The following RAPGEF4 variants were observed in gnomAD, a reference collection of about 807,000 sequenced individuals.
The protein encoded by RAPGEF4 is Rap guanine nucleotide exchange factor 4, also known as RAP guanine-nucleotide-exchange factor (GEF) 4.
Under a neutral mutation model 147.9 loss-of-function variants are expected in RAPGEF4, and 66 were observed. The ratio of observed to expected loss-of-function variants is 0.45; its 90% CI spans 0.37 to 0.55. RAPGEF4 has a LOEUF of 0.55. Ranked by LOEUF, RAPGEF4 falls within the 20% of genes least tolerant of loss-of-function variation. The probability of loss-of-function intolerance (pLI) is 0.00; values close to 1 mark genes in which losing one functional copy is unlikely to be tolerated. For missense variants in RAPGEF4, 1,071 were observed against 1,257.3 expected (o/e 0.85, Z 2.24); for synonymous variants, 419 against 442.7 (o/e 0.95, Z 0.67).
chr2:172,839,137 A>T (rs1349429614), intron 4 of RAPGEF4, among the ~76,000 whole-genome samples: 1 of 152,084 alleles, frequency 6.6e-6, no homozygotes, highest in Non-Finnish European at 1.5e-5. Context: ...GTGAGTTAGA[A>T]GAAAGTGTTC....
chr2:172,866,164 A>T (rs573603730), intron 4 of RAPGEF4, among the ~76,000 whole-genome samples: 9 of 152,030 alleles, frequency 5.9e-5, no homozygotes, highest in Non-Finnish European at 1.0e-4. Context: ...GCACCCCTTT[A>T]TCTACTCTAT....
intron 1 of RAPGEF4, among the ~76,000 whole-genome samples, chr2:172,741,454 G>A (rs1233209681): frequency 6.6e-6 from 1 of 152,166 alleles, no homozygotes; most frequent in Non-Finnish European, 1.5e-5. Flanking sequence ...GCTGGGGAAG[G>A]GCGTGGGTGA....
Position 173,030,197 on chromosome 2 carries a change from T to C in RAPGEF4, c.2592T>C (p.Phe864=). The C allele has an allele frequency of 6.2e-7, 1 of 1,613,714 alleles. No homozygotes were observed. Among genetic ancestry groups the C allele is most frequent in the Non-Finnish European group, 8.5e-7 (1 of 1,179,584 alleles). The change falls in exon 26 of 31, where the codon TTT becomes TTC. Residue 864 remains phenylalanine (F), a synonymous_variant. Coordinates refer to ENST00000397081, the MANE Select transcript of RAPGEF4 (RefSeq NM_007023.4). ...CKEYKNLNSF[F]AIVMGLSNVA... Reference sequence around the variant, plus strand: ...AGTATAAAAATCTGAATTCCTTTTTTGCCATCGTCATGGGACTAAGTAACG... The same window carrying C: ...AGTATAAAAATCTGAATTCCTTTTTCGCCATCGTCATGGGACTAAGTAACG...
At chr2:173,021,451 G>T (rs941077094) in intron 23 of RAPGEF4, among the ~76,000 whole-genome samples, 1 of 152,160 alleles carries the variant, frequency 6.6e-6, no homozygotes, top group African/African-American at 2.4e-5. Flanking sequence ...GACCGAGCGT[G>T]GTGGCGGGCG....
chr2:172,853,441 A>G (rs1180459066), intron 4 of RAPGEF4, among the ~76,000 whole-genome samples: 1 of 152,014 alleles, frequency 6.6e-6, no homozygotes, highest in African/African-American at 2.4e-5. Context: ...TATAGTTATC[A>G]TCTTTTCAGT....
intron 15 of RAPGEF4, among the ~76,000 whole-genome samples, chr2:172,994,734 A>G (rs1230432314): frequency 1.3e-5 from 2 of 152,244 alleles, no homozygotes; most frequent in East Asian, 3.8e-4. Context: ...TTCAATATCG[A>G]AAGTCATTTA....
At chr2:173,039,186 G>A (rs796730409) in intron 29 of RAPGEF4, among the ~76,000 whole-genome samples, 7 of 152,196 alleles carry the variant, frequency 4.6e-5, no homozygotes, top group African/African-American at 1.7e-4. Context: ...GGCCAGGTGT[G>A]GTGGCTCACG....
At chr2:172,986,610 G>A (rs1692273757) in intron 12 of RAPGEF4, among the ~76,000 whole-genome samples, 1 of 151,278 alleles carries the variant, frequency 6.6e-6, no homozygotes, top group African/African-American at 2.4e-5. Context: ...TTATGAAATA[G>A]TTAAATATTT....
chr2:172,908,383 C>G (rs914762173), intron 4 of RAPGEF4, among the ~76,000 whole-genome samples: 1 of 152,230 alleles, frequency 6.6e-6, no homozygotes, highest in African/African-American at 2.4e-5. Flanking sequence ...TTGTGAAGGT[C>G]AGCACTGCAC....
intron 3 of RAPGEF4, among the ~76,000 whole-genome samples, chr2:172,813,426 C>T (rs548938059): frequency 2.3e-4 from 35 of 152,298 alleles, no homozygotes; most frequent in African/African-American, 7.7e-4. Flanking sequence ...TTTAAATCAT[C>T]GATTCATGAC....
At chr2:172,826,869 T>C (rs1019072604) in intron 4 of RAPGEF4, among the ~76,000 whole-genome samples, 1 of 151,644 alleles carries the variant, frequency 6.6e-6, no homozygotes, top group Non-Finnish European at 1.5e-5. Context: ...GAGGCTGAGG[T>C]GGGAGGATCA....
intron 6 of RAPGEF4, among the ~76,000 whole-genome samples, chr2:172,929,793 A>G (rs1685734573): frequency 6.6e-6 from 1 of 152,166 alleles, no homozygotes; most frequent in African/African-American, 2.4e-5. Context: ...GTGGGTGCTC[A>G]TGTCATCAGG....
intron 6 of RAPGEF4, among the ~76,000 whole-genome samples, chr2:172,933,272 T>C (rs1301857426): frequency 6.6e-6 from 1 of 152,042 alleles, no homozygotes; most frequent in Non-Finnish European, 1.5e-5. Context: ...AAGTGTTGCA[T>C]TCTAGATGGA....
At chr2:173,037,314 G>A (rs1684162254) in intron 29 of RAPGEF4, among the ~76,000 whole-genome samples, 1 of 152,058 alleles carries the variant, frequency 6.6e-6, no homozygotes. Context: ...TCAAACTCCT[G>A]GGCTCAAGCG....
At chr2:172,875,090 G>C (rs1392670340) in intron 4 of RAPGEF4, among the ~76,000 whole-genome samples, 1 of 152,054 alleles carries the variant, frequency 6.6e-6, no homozygotes, top group African/African-American at 2.4e-5. Context: ...TTTTTGATGG[G>C]GTTGTTTGTT....
At chr2:172,886,234 C>T (rs1035975308) in intron 4 of RAPGEF4, among the ~76,000 whole-genome samples, 13 of 152,184 alleles carry the variant, frequency 8.5e-5, no homozygotes, top group Admixed American at 7.9e-4. Flanking sequence ...AGGGATCTGC[C>T]AACAACTACA....
intron 18 of RAPGEF4, among the ~76,000 whole-genome samples, chr2:173,015,206 G>C (rs77522709): frequency 0.02 from 3,084 of 152,170 alleles, 51 homozygotes; most frequent in Middle Eastern, 0.054. Flanking sequence ...ATTTATTTAG[G>C]AATTGCTAGA....
chr2:172,787,702 C>G (rs914704904), intron 1 of RAPGEF4, among the ~76,000 whole-genome samples: 1 of 151,974 alleles, frequency 6.6e-6, no homozygotes, highest in Admixed American at 6.6e-5. Flanking sequence ...TCATTGCAGC[C>G]TCAACCTCCT....
intron 5 of RAPGEF4, among the ~76,000 whole-genome samples, chr2:172,919,328 C>A (rs1372941142): frequency 6.6e-6 from 1 of 152,130 alleles, no homozygotes; most frequent in Non-Finnish European, 1.5e-5. Flanking sequence ...CACTCTTCGA[C>A]CCCTCAAAGT....
Sources: allele counts gnomAD v4.1 joint callset (sites outside exome capture counted in the v4.1 genomes callset), GRCh38; gene constraint gnomAD v4.1.1; transcripts MANE v1.5; gene names NCBI Gene and HGNC (gene_info 2026-07-23, HGNC 2026-07-21).